GABRR2: variants seen among roughly 807,000 people sequenced by gnomAD.
The protein encoded by GABRR2 is gamma-aminobutyric acid receptor subunit rho-2.
A neutral mutation model predicts 47.0 loss-of-function variants in GABRR2; 36 were observed. That is an observed-to-expected ratio of 0.77 (90% CI 0.59 to 1.01). The LOEUF (loss-of-function observed/expected upper bound fraction) is 1.01. Ranked by LOEUF, GABRR2 falls within the 50% of genes least tolerant of loss-of-function variation. GABRR2 has a pLI of 0.00. For synonymous variants in GABRR2, 204 were observed against 227.5 expected (o/e 0.90, Z 0.93); for missense variants, 587 against 594.6 (o/e 0.99, Z 0.13).
At chr6:89,313,488 G>C (rs906254009) in intron 1 of GABRR2, among the ~76,000 whole-genome samples, 2 of 152,176 alleles carry the variant, frequency 1.3e-5, no homozygotes, top group African/African-American at 4.8e-5. Context: ...GACTTGCTGG[G>C]CCGATGACAT....
At chr6:89,305,638 A>G (rs1767546301) in intron 1 of GABRR2, among the ~76,000 whole-genome samples, 1 of 152,182 alleles carries the variant, frequency 6.6e-6, no homozygotes, top group African/African-American at 2.4e-5. Context: ...ACACACACAC[A>G]CAAAAAGCAT....
In GABRR2 at chr6:89,254,753, A is replaced by G. The variant is rs1358439644; in HGVS notation, c.*2917T>C. Among the ~76,000 whole-genome samples the G allele has an allele frequency of 4.6e-5, 7 of 151,800 alleles. No homozygotes were observed. Reference sequence around the variant, plus strand: ...ACTATTTCCTTAGTTCCTGTTTTCTACTCCTACCAATGTTGTCTCCACTTT... The same window carrying G: ...ACTATTTCCTTAGTTCCTGTTTTCTGCTCCTACCAATGTTGTCTCCACTTT... On this transcript the variant is annotated 3_prime_UTR_variant, in exon 9 of 9. Coordinates refer to ENST00000402938, the MANE Select transcript of GABRR2 (RefSeq NM_002043.5).
At chr6:89,300,714 A>C (rs1266178656) in intron 1 of GABRR2, among the ~76,000 whole-genome samples, 2 of 146,220 alleles carry the variant, frequency 1.4e-5, no homozygotes, top group Non-Finnish European at 3.0e-5. Context: ...TCCGAAGTTG[A>C]AGTTGAATCA....
intron 2 of GABRR2, among the ~76,000 whole-genome samples, chr6:89,272,894 C>T (rs996117529): frequency 7.2e-5 from 11 of 152,168 alleles, no homozygotes; most frequent in African/African-American, 7.2e-5. Context: ...CCTCAGCTCC[C>T]GCCCAAATGC....
chr6:89,281,288 T>A (rs952252437), intron 2 of GABRR2, among the ~76,000 whole-genome samples: 3 of 152,106 alleles, frequency 2.0e-5, no homozygotes, highest in Non-Finnish European at 4.4e-5. Flanking sequence ...ATCACAGAAG[T>A]GAAAAAGAAG....
chr6:89,263,446 C>A (rs13193330), intron 8 of GABRR2, among the ~76,000 whole-genome samples: 3,999 of 152,200 alleles, frequency 0.026, 168 homozygotes, highest in African/African-American at 0.088. Flanking sequence ...GTCAGCCCCC[C>A]CAACCCCTGC....
At chr6:89,274,899 G>T (rs1774131322) in intron 2 of GABRR2, among the ~76,000 whole-genome samples, 1 of 151,840 alleles carries the variant, frequency 6.6e-6, no homozygotes, top group Non-Finnish European at 1.5e-5. Context: ...AATAATGAGG[G>T]ATCTGGTAAC....
At chr6:89,292,147 C>T (rs952191844) in intron 2 of GABRR2, among the ~76,000 whole-genome samples, 6 of 151,842 alleles carry the variant, frequency 4.0e-5, no homozygotes, top group Non-Finnish European at 7.4e-5. Context: ...AGAACCTGAC[C>T]TACTTTGTTG....
intron 2 of GABRR2, among the ~76,000 whole-genome samples, chr6:89,298,254 G>T (rs1290977767): frequency 6.6e-6 from 1 of 152,162 alleles, no homozygotes; most frequent in Non-Finnish European, 1.5e-5. Flanking sequence ...AGGCTTTGAG[G>T]CCTTTTAAAA....
At chr6:89,298,956 G>A (rs972025093) in intron 2 of GABRR2, among the ~76,000 whole-genome samples, 1 of 152,124 alleles carries the variant, frequency 6.6e-6, no homozygotes, top group Admixed American at 6.5e-5. Context: ...ACAGAAAGTG[G>A]GCCCTCAGCA....
chr6:89,265,705 A>C lies in GABRR2; in HGVS notation c.797T>G (p.Leu266Arg). The change falls in exon 7 of 9, where the codon CTC becomes CGC. Residue 266 changes from leucine to arginine, a missense_variant. Transcript: ENST00000402938. Reference sequence around the variant, plus strand: ...CAGAGTGGCAGGGAAATATGTTTGGAGCAAGAAGAAGAAGATGTGGCGACG... The same window carrying C: ...CAGAGTGGCAGGGAAATATGTTTGGCGCAAGAAGAAGAAGATGTGGCGACG... The part of the protein sequence containing the change: ...TLRRHIFFFL[L>R]QTYFPATLMV... 1.2e-6 allele frequency: 2 copies of C among 1,614,128 alleles called. No individual in the cohort carries two copies. The highest frequency in any genetic ancestry group is 2.2e-5 in the South Asian group (2 of 91,074).
rs189434112 is a variant in GABRR2 at position 89,268,995 on chromosome 6, G to T, written c.512+16C>A. ...AAAGGCACTGGACAGAGGAACAATG[G>T]CCCCCAGACAGCTACCTCATGCTGT... On this transcript the variant is annotated intron_variant, in intron 4 of 8. Coordinates refer to ENST00000402938, the MANE Select transcript of GABRR2 (RefSeq NM_002043.5). 7.1e-5 allele frequency: 114 copies of T among 1,606,744 alleles called. No individual in the cohort carries two copies. The highest frequency in any genetic ancestry group is 8.5e-5 in the Non-Finnish European group (100 of 1,173,274).
intron 1 of GABRR2, among the ~76,000 whole-genome samples, chr6:89,305,647 A>G (rs770862857): frequency 6.6e-6 from 1 of 152,160 alleles, no homozygotes; most frequent in East Asian, 1.9e-4. Flanking sequence ...CACAAAAAGC[A>G]TGAGATTATG....
In GABRR2 at chr6:89,264,722, G is replaced by A. The variant is rs546371945; in HGVS notation, c.890-114C>T. ...CTTAAACCACATGAGAAAGTCCCAG[G>A]TGTGTTTCCACCTCGGAGAGGGGCA... On this transcript the variant is annotated intron_variant, in intron 7 of 8. Coordinates refer to ENST00000402938, the MANE Select transcript of GABRR2 (RefSeq NM_002043.5). The A allele has an allele frequency of 5.9e-6, 8 of 1,352,090 alleles. No homozygotes were observed. In the African/African-American group the frequency reaches 1.2e-4, roughly 20 times the overall value. 83.8% of individuals were successfully genotyped at this position (1,352,090 alleles called of 1,614,324 possible).
chr6:89,265,550 T>A, intron 7 of GABRR2, 63 bp downstream of exon 7: 1 of 1,524,906 alleles, frequency 6.6e-7, no homozygotes, highest in Non-Finnish European at 8.8e-7. Context: ...TTTTACTTTT[T>A]GTAAACATAG....
chr6:89,312,190 C>T (rs1387445359), intron 1 of GABRR2, among the ~76,000 whole-genome samples: 2 of 152,102 alleles, frequency 1.3e-5, no homozygotes. Flanking sequence ...ATCGTGTGGT[C>T]AGGAGGCCAA....
intron 2 of GABRR2, among the ~76,000 whole-genome samples, chr6:89,291,550 G>A (rs1173648395): frequency 2.6e-5 from 4 of 151,364 alleles, no homozygotes; most frequent in South Asian, 2.1e-4. Context: ...TTCCTGCTCC[G>A]GGGTATACCC....
At chr6:89,274,071 G>C (rs1449928094) in intron 2 of GABRR2, among the ~76,000 whole-genome samples, 6 of 152,208 alleles carry the variant, frequency 3.9e-5, no homozygotes, top group African/African-American at 1.4e-4. Context: ...CAGCTGGCTT[G>C]GTGTTAGTTA....
intron 2 of GABRR2, among the ~76,000 whole-genome samples, chr6:89,279,696 A>C (rs67733461): frequency 6.7e-4 from 99 of 147,022 alleles, no homozygotes; most frequent in Middle Eastern, 3.5e-3. Context: ...AAAAAAAAAA[A>C]CCCCACTGAT....
Sources: allele counts gnomAD v4.1 joint callset (sites outside exome capture counted in the v4.1 genomes callset), GRCh38; gene constraint gnomAD v4.1.1; transcripts MANE v1.5; gene names NCBI Gene and HGNC (gene_info 2026-07-23, HGNC 2026-07-21).